Variants in SVOP observed in about 807,000 individuals in gnomAD.
The protein encoded by SVOP is SV2 related protein.
A neutral mutation model predicts 69.1 loss-of-function variants in SVOP; 17 were observed. The observed-to-expected ratio is 0.25, with a 90% CI of 0.17 to 0.37. SVOP has a LOEUF of 0.37. Ranked by LOEUF, SVOP falls within the 10% of genes least tolerant of loss-of-function variation. The pLI, the probability that SVOP is intolerant of heterozygous loss-of-function variation, is 1.00. For synonymous variants in SVOP, 238 were observed against 238.6 expected (o/e 1.00, Z 0.02); for missense variants, 435 against 597.5 (o/e 0.73, Z 2.84).
At chr12:108,939,040 G>A in intron 8 of SVOP, 85 bp from the exon 9 acceptor site, 1 of 1,592,174 alleles carries the variant, frequency 6.3e-7, no homozygotes, top group Non-Finnish European at 8.6e-7. Context: ...TGTTGCATGT[G>A]GGGTCTTTAA....
At chr12:108,989,556 G>A (rs1204891024) in intron 1 of SVOP, among the ~76,000 whole-genome samples, 1 of 152,114 alleles carries the variant, frequency 6.6e-6, no homozygotes, top group Non-Finnish European at 1.5e-5. Context: ...GGGGTGTGAG[G>A]GCTGGGCTGT....
At chr12:108,962,908 T>A (rs1445964236) in intron 5 of SVOP, among the ~76,000 whole-genome samples, 1 of 151,790 alleles carries the variant, frequency 6.6e-6, no homozygotes, top group African/African-American at 2.4e-5. Flanking sequence ...GAGGTTGCAG[T>A]GAGCCAAGAA....
At chr12:108,913,387 C>A (rs575086508) in intron 15 of SVOP, among the ~76,000 whole-genome samples, 40 of 152,100 alleles carry the variant, frequency 2.6e-4, no homozygotes, top group Non-Finnish European at 4.4e-4. Context: ...CAACACAAAA[C>A]GGACCAACAC....
At chr12:108,949,584 C>G (rs1304377481) in intron 6 of SVOP, among the ~76,000 whole-genome samples, 1 of 152,086 alleles carries the variant, frequency 6.6e-6, no homozygotes. Flanking sequence ...ATCTTTCAGC[C>G]TCTTTTCTAT....
chr12:109,018,707 G>A (rs1012911343), intron 1 of SVOP, among the ~76,000 whole-genome samples: 1 of 151,998 alleles, frequency 6.6e-6, no homozygotes, highest in Non-Finnish European at 1.5e-5. Context: ...GGCTAATTTT[G>A]ACTTCATTCA....
intron 7 of SVOP, among the ~76,000 whole-genome samples, chr12:108,941,853 C>T (rs932116052): frequency 2.6e-5 from 4 of 151,824 alleles, no homozygotes; most frequent in South Asian, 2.1e-4. Context: ...TTAGTAGAGA[C>T]GGGGTTTCAC....
At position 109,020,708 on chromosome 12, in the gene SVOP, C is replaced by T. The variant is rs544343935; in HGVS notation, c.35+126G>A. 7.9e-6 allele frequency: 4 copies of T among 506,686 alleles called. No homozygotes were observed. In the East Asian group the frequency reaches 1.3e-4, roughly 16 times the overall value. 31.4% of individuals were successfully genotyped at this position (506,686 alleles called of 1,614,324 possible). On this transcript the variant is annotated intron_variant, in intron 1 of 15. Transcript: ENST00000610966. ...TGTCTCCTCCAGGCCCTAATTCCTT[C>T]CTCTGAAACAGTTCCCTTTAAATTC...
rs562020852 is a variant in SVOP at position 108,919,546 on chromosome 12, C to T, written c.1268+129G>A. On this transcript the variant is annotated intron_variant, in intron 13 of 15. Coordinates refer to ENST00000610966, the MANE Select transcript of SVOP (RefSeq NM_018711.5). ...ACCCATATTCACACCTACACCCACA[C>T]TTGGGCCTGCACCTCCACCTGGGCT... is the stretch of plus-strand genomic sequence containing the variant. 528 of 672,558 alleles carry T rather than the reference C, an allele frequency of 7.9e-4. 6 individuals are homozygous for T. The Middle Eastern group carries it at 8.2e-3, about 10-fold the overall frequency. The allele number at this position is 672,558 out of a possible 1,614,324, so 41.7% of individuals were successfully genotyped here. A position where few individuals can be genotyped will look rare whatever the true frequency, so the allele number is the denominator to read the frequency against.
At chr12:108,963,435 CAA>C (rs1566058277) in intron 5 of SVOP, among the ~76,000 whole-genome samples, 3 of 152,028 alleles carry the variant, frequency 2.0e-5, no homozygotes, top group Non-Finnish European at 2.9e-5. Flanking sequence ...ATGATTATGT[CAA>C]AGAGTCCGTG....
At chr12:108,997,531 G>T (rs2040242549) in intron 1 of SVOP, among the ~76,000 whole-genome samples, 1 of 152,102 alleles carries the variant, frequency 6.6e-6, no homozygotes, top group Non-Finnish European at 1.5e-5. Context: ...CAAAAAGACA[G>T]CAGTAACCTC....
intron 11 of SVOP, among the ~76,000 whole-genome samples, chr12:108,930,247 C>T (rs1052133378): frequency 6.6e-6 from 1 of 152,042 alleles, no homozygotes; most frequent in Non-Finnish European, 1.5e-5. Context: ...ATTGAACAAA[C>T]AGTAAATCGT....
chr12:108,972,480 T>TTG lies in SVOP; in HGVS notation c.382-5_382-4insCA, dbSNP rs1566060297. ...ACATCATGCCTACAAAGACCACCTG[T>TTG]GGGGGGAAAGACAGTTGTCATTAGA... On this transcript the variant is annotated splice_polypyrimidine_tract_variant and splice_region_variant and intron_variant, in intron 4 of 15. Transcript: ENST00000610966. The TTG allele has an allele frequency of 6.5e-6, 10 of 1,537,002 alleles. No homozygotes were observed. In the Admixed American group the frequency reaches 1.8e-4, roughly 27 times the overall value.
intron 1 of SVOP, among the ~76,000 whole-genome samples, chr12:109,004,773 T>G (rs1326063442): frequency 6.6e-6 from 1 of 151,916 alleles, no homozygotes. Context: ...AGTCTCACTC[T>G]GCCACCCAGG....
At chr12:108,944,954 G>T in intron 7 of SVOP, 149 bp downstream of exon 7, 2 of 660,744 alleles carry the variant, frequency 3.0e-6, no homozygotes, top group East Asian at 5.7e-5. Flanking sequence ...TGTCAGAAAT[G>T]ATGTAACTGA....
At chr12:108,980,756 C>CAA (rs1270692950) in intron 2 of SVOP, among the ~76,000 whole-genome samples, 3,734 of 60,300 alleles carry the variant, frequency 0.062, 817 homozygotes, top group African/African-American at 0.24. Context: ...GACTCCGTCT[C>CAA]AAAAAAAAAA....
chr12:108,997,895 G>A (rs1405807843), intron 1 of SVOP, among the ~76,000 whole-genome samples: 3 of 149,822 alleles, frequency 2.0e-5, no homozygotes, highest in Non-Finnish European at 4.4e-5. Context: ...ACTCTAAAAC[G>A]CAGAGCGCCT....
chr12:108,943,838 TCC>T (rs201602143), intron 7 of SVOP, among the ~76,000 whole-genome samples: 3,729 of 149,536 alleles, frequency 0.025, 161 homozygotes, highest in African/African-American at 0.085. Flanking sequence ...CTCCTCCTCC[TCC>T]TCCTTCTTCT....
intron 6 of SVOP, among the ~76,000 whole-genome samples, chr12:108,959,844 T>G (rs372992989): frequency 4.6e-5 from 7 of 152,304 alleles, no homozygotes; most frequent in African/African-American, 1.4e-4. Flanking sequence ...ATGCAATGGG[T>G]ATAGAGCCCA....
intron 13 of SVOP, 92 bp downstream of exon 13, chr12:108,919,583 C>T: frequency 1.0e-6 from 1 of 965,228 alleles, no homozygotes; most frequent in Non-Finnish European, 1.6e-6. Flanking sequence ...ACATTAACAC[C>T]TGGCCCGCAC....
Sources: gnomAD v4.1 joint callset for allele counts (sites outside exome capture counted in the v4.1 genomes callset) on GRCh38, gnomAD v4.1.1 for gene constraint, MANE v1.5 for transcripts, NCBI Gene and HGNC (gene_info 2026-07-23, HGNC 2026-07-21) for gene names.